Variants in NDUFB3 observed in about 807,000 individuals in gnomAD.
The protein encoded by NDUFB3 is NADH dehydrogenase [ubiquinone] 1 beta subcomplex subunit 3.
In NDUFB3, 7 loss-of-function variants were observed where a neutral mutation model predicts 9.0. The observed-to-expected ratio is 0.78, with a 90% CI of 0.44 to 1.46. The LOEUF (loss-of-function observed/expected upper bound fraction) is 1.46, where lower values mean the gene tolerates loss of function less well. Ranked by LOEUF, NDUFB3 falls within the 40% of genes most tolerant of loss-of-function variation. NDUFB3 has a pLI of 0.01. For synonymous variants in NDUFB3, 29 were observed against 38.5 expected, an observed-to-expected ratio of 0.75 and a Z score of 0.91; for missense variants, 93 against 115.4, an observed-to-expected ratio of 0.81 and a Z score of 0.89.
intron 2 of NDUFB3, chr2:201,079,893 A>G (rs1320920820): frequency 6.6e-6 from 1 of 152,224 alleles, no homozygotes; most frequent in Non-Finnish European, 1.5e-5. Flanking sequence ...AGAAGTTAGT[A>G]TGGCCCTGTG....
chr2:201,085,484 G>A lies in NDUFB3; in HGVS notation c.166G>A (p.Gly56Ser), dbSNP rs776453539. The A allele has an allele frequency of 1.2e-6, 2 of 1,605,718 alleles. No individual in the cohort carries two copies. The highest frequency in any genetic ancestry group is 1.7e-6 in the Non-Finnish European group (2 of 1,176,132). The change falls in exon 3 of 3, where the codon GGC becomes AGC. Residue 56 changes from glycine (G) to serine (S), a missense_variant. Transcript: ENST00000237889. The stretch of plus-strand genomic sequence containing the variant: ...CAATGAAGCTTGGAGATACATGGGT[G>A]GCTTTGCAAAGAGTGTTTCCTTTTC... ...GRNEAWRYMG[G>S]FAKSVSFSDV...
chr2:201,076,223 T>G (rs968911094), intron 1 of NDUFB3, among the ~76,000 whole-genome samples: 24 of 152,094 alleles, frequency 1.6e-4, no homozygotes, highest in African/African-American at 5.3e-4. Flanking sequence ...AAAATCCTCC[T>G]GGGTGTGGCT....
At position 201,079,049 on chromosome 2, in the gene NDUFB3, G is replaced by C. The variant is rs754809738; in HGVS notation, c.140+27G>C. On this transcript the variant is annotated intron_variant, in intron 2 of 2. Transcript: ENST00000237889. The stretch of plus-strand genomic sequence containing the variant: ...TAAGATGAATTAAGTAATTTAGATA[G>C]AATGTATCCTAGAGAATCAAGTGTC... 3 of 1,593,960 alleles carry C rather than the reference G, an allele frequency of 1.9e-6. No individual in the cohort carries two copies. The African/African-American group carries it at 4.1e-5, about 22-fold the overall frequency.
At chr2:201,080,234 G>T (rs771293080) in intron 2 of NDUFB3, among the ~76,000 whole-genome samples, 1 of 152,022 alleles carries the variant, frequency 6.6e-6, no homozygotes, top group African/African-American at 2.4e-5. Context: ...TTGTACCTCC[G>T]TTGAATTACC....
Position 201,082,253 on chromosome 2 carries a change from GTTGT to G in NDUFB3, c.141-3179_141-3176del, listed in dbSNP as rs375926671. On this transcript the variant is annotated intron_variant, in intron 2 of 2. Transcript: ENST00000237889. ...ACAGGTTTGAGCCATCAGGCCTGGC[GTTGT>G]TTGTTTGTTTGTTTGTTTGTTTGTT... 2.6e-3 allele frequency among the ~76,000 whole-genome samples: 396 copies of G among 151,502 alleles called. 1 individual carries two copies. Among genetic ancestry groups the G allele is most frequent in the African/African-American group, 7.1e-3 (293 of 41,224 alleles).
intron 1 of NDUFB3, among the ~76,000 whole-genome samples, chr2:201,077,051 G>A (rs1234296323): frequency 6.6e-6 from 1 of 152,032 alleles, no homozygotes; most frequent in African/African-American, 2.4e-5. Context: ...AGTGAGCCGA[G>A]ATTGCACACC....
chr2:201,085,343 A>T, intron 2 of NDUFB3, 116 bp from the exon 3 acceptor site: 1 of 721,850 alleles, frequency 1.4e-6, no homozygotes, highest in Non-Finnish European at 2.1e-6. Context: ...CGATTCACTT[A>T]AATGATCTTC....
chr2:201,078,977 T>C lies in NDUFB3; in HGVS notation c.95T>C (p.Ile32Thr). The change falls in exon 2 of 3, where the codon ATC (isoleucine) becomes ACC (threonine). Residue 32 changes from isoleucine to threonine, a missense_variant. Coordinates refer to ENST00000237889, the MANE Select transcript of NDUFB3 (RefSeq NM_002491.3). ...WKIEGTPLET[I>T]QKKLAAKGLR... ...ATAGAAGGGACACCATTAGAAACTATCCAGAAGAAGCTGGCTGCAAAAGGG... is the reference window on the plus strand; with the variant it reads ...ATAGAAGGGACACCATTAGAAACTACCCAGAAGAAGCTGGCTGCAAAAGGG... 6.2e-7 allele frequency: 1 copy of C among 1,613,404 alleles called. No individual in the cohort carries two copies. The highest frequency in any genetic ancestry group is 8.5e-7 in the Non-Finnish European group (1 of 1,179,794).
chr2:201,085,687 G>T lies in NDUFB3; in HGVS notation c.*72G>T, dbSNP rs1206361994. 5 of 1,339,238 alleles carry T rather than the reference G, an allele frequency of 3.7e-6. No individual in the cohort carries two copies. The highest frequency in any genetic ancestry group is 2.3e-5 in the East Asian group (1 of 42,606). 83.0% of individuals were successfully genotyped at this position (1,339,238 alleles called of 1,614,324 possible). A position where few individuals can be genotyped will look rare whatever the true frequency, so the allele number is the denominator to read the frequency against. ...AAGATTTCTTCTCTGTAGCCTACTT[G>T]TCTGGTTTATCCCTTACAGAATATT... On this transcript the variant is annotated 3_prime_UTR_variant, in exon 3 of 3. Transcript: ENST00000237889.
chr2:201,078,134 C>G (rs1056686659), intron 1 of NDUFB3, among the ~76,000 whole-genome samples: 1 of 152,058 alleles, frequency 6.6e-6, no homozygotes, highest in African/African-American at 2.4e-5. Context: ...AACCCCGTCT[C>G]CACTAAAATT....
chr2:201,073,522 A>G (rs1356734334), intron 1 of NDUFB3, among the ~76,000 whole-genome samples: 1 of 152,168 alleles, frequency 6.6e-6, no homozygotes, highest in Non-Finnish European at 1.5e-5. Flanking sequence ...TAATCCCAAC[A>G]CTTTGGGTGG....
intron 1 of NDUFB3, among the ~76,000 whole-genome samples, chr2:201,073,722 T>C (rs961798752): frequency 2.6e-5 from 4 of 151,816 alleles, no homozygotes; most frequent in Non-Finnish European, 2.9e-5. Context: ...GAGCCGACAT[T>C]GCACCACCCA....
At chr2:201,072,925 C>T (rs141554356) in intron 1 of NDUFB3, among the ~76,000 whole-genome samples, 152 of 152,060 alleles carry the variant, frequency 1.0e-3, no homozygotes, top group African/African-American at 3.4e-3. Flanking sequence ...TTGGTGGGGC[C>T]GGGGTCGGAA....
chr2:201,083,526 G>GT (rs2047256232), intron 2 of NDUFB3, among the ~76,000 whole-genome samples: 1 of 151,452 alleles, frequency 6.6e-6, no homozygotes, highest in Non-Finnish European at 1.5e-5. Context: ...GGCTAATTTT[G>GT]TTTTTTTAGT....
At chr2:201,081,576 G>C (rs1348987383) in intron 2 of NDUFB3, among the ~76,000 whole-genome samples, 1 of 151,366 alleles carries the variant, frequency 6.6e-6, no homozygotes, top group Non-Finnish European at 1.5e-5. Context: ...TTTATCAGCA[G>C]TATTTTATTG....
chr2:201,072,947 ACAATGATTTGTGTCCCTC>A (rs1344495728), intron 1 of NDUFB3, among the ~76,000 whole-genome samples: 1 of 152,164 alleles, frequency 6.6e-6, no homozygotes. Flanking sequence ...CTTAGTTACT[ACAATGATTTGTGTCCCTC>A]CAAAGGGCCA....
intron 1 of NDUFB3, among the ~76,000 whole-genome samples, chr2:201,078,067 C>T (rs1218905876): frequency 6.6e-6 from 1 of 151,728 alleles, no homozygotes; most frequent in East Asian, 1.9e-4. Context: ...CTTTGGGAGG[C>T]TGAGGTGGGT....
rs956295179 is a variant in NDUFB3, at chr2:201,072,002, G to A, written c.-60G>A. Reference sequence around the variant, plus strand: ...TGAGAAACTCGAGGTGACAACCTCCGTTTCCGGTTGGCTCCGGTTGCAGAG... The same window carrying A: ...TGAGAAACTCGAGGTGACAACCTCCATTTCCGGTTGGCTCCGGTTGCAGAG... On this transcript the variant is annotated 5_prime_UTR_variant, in exon 1 of 3. Coordinates refer to ENST00000237889, the MANE Select transcript of NDUFB3 (RefSeq NM_002491.3). 5.9e-5 allele frequency: 9 copies of A among 152,246 alleles called. No individual in the cohort carries two copies. The highest frequency in any genetic ancestry group is 1.3e-4 in the Admixed American group (2 of 15,280). 9.4% of individuals were successfully genotyped at this position (152,246 alleles called of 1,614,324 possible). A position where few individuals can be genotyped will look rare whatever the true frequency, so the allele number is the denominator to read the frequency against.
At chr2:201,076,484 A>AATATATATATATATATATATATATAT (rs561737388) in intron 1 of NDUFB3, among the ~76,000 whole-genome samples, 54 of 120,056 alleles carry the variant, frequency 4.5e-4, no homozygotes, top group South Asian at 1.0e-3. Flanking sequence ...TCTATCTTTA[A>AATATATATATATATATATATATATAT]ATATATATAT....
Sources: gnomAD v4.1 joint callset for allele counts (sites outside exome capture counted in the v4.1 genomes callset) on GRCh38, gnomAD v4.1.1 for gene constraint, MANE v1.5 for transcripts, NCBI Gene and HGNC (gene_info 2026-07-23, HGNC 2026-07-21) for gene names.